The following DYDC2 variants were observed in gnomAD, a reference collection of about 807,000 sequenced individuals.
The protein encoded by DYDC2 is DPY30 domain containing 2, also known as DPY30 domain-containing protein 2.
In DYDC2, 19 loss-of-function variants were observed where a neutral mutation model predicts 18.7. The ratio of observed to expected loss-of-function variants is 1.02; its 90% CI spans 0.71 to 1.49. DYDC2 has a LOEUF of 1.49. Among genes scored for constraint, DYDC2 ranks in the 40% most tolerant of loss-of-function variants. The pLI, the probability that DYDC2 is intolerant of heterozygous loss-of-function variation, is 0.00. For synonymous variants in DYDC2, 63 were observed against 67.6 expected, an observed-to-expected ratio of 0.93 and a Z score of 0.34; for missense variants, 179 against 205.1, an observed-to-expected ratio of 0.87 and a Z score of 0.78.
chr10:80,356,579 G>A (rs1240544053), upstream of DYDC2: 1 of 985,500 alleles, frequency 1.0e-6, no homozygotes, highest in Non-Finnish European at 1.2e-6. Flanking sequence ...GGCGCGAAGC[G>A]GCCTCTCTCC....
chr10:80,367,276 C>T lies in DYDC2; in HGVS notation c.*325C>T, dbSNP rs1589537116. The T allele has an allele frequency of 1.0e-5, 2 of 200,148 alleles. No homozygotes were observed. The highest frequency in any genetic ancestry group is 2.7e-4 in the South Asian group (2 of 7,458). The allele number at this position is 200,148 out of a possible 1,614,324, so 12.4% of individuals were successfully genotyped here. On this transcript the variant is annotated 3_prime_UTR_variant, in exon 5 of 5. Coordinates refer to ENST00000256039, the MANE Select transcript of DYDC2 (RefSeq NM_032372.6). ...GGCCATGGGGGCTACAAAGTCCAGC[C>T]GAGTCAAAGGAAAGAGAAAAGACAA... is the stretch of plus-strand genomic sequence containing the variant.
At chr10:80,362,702 G>T (rs1265456895) in intron 3 of DYDC2, 112 bp downstream of exon 3, 41 of 1,480,092 alleles carry the variant, frequency 2.8e-5, no homozygotes, top group Non-Finnish European at 3.5e-5. Flanking sequence ...TGGTTTATTT[G>T]ACTTGCTCTT....
intron 1 of DYDC2, among the ~76,000 whole-genome samples, chr10:80,350,231 A>G (rs1180898278): frequency 2.6e-5 from 4 of 152,236 alleles, no homozygotes; most frequent in Non-Finnish European, 4.4e-5. Context: ...CATACCGGTC[A>G]ACATAATATG....
chr10:80,357,026 G>T (rs1285973019), intron 1 of DYDC2, among the ~76,000 whole-genome samples: 1 of 143,632 alleles, frequency 7.0e-6, no homozygotes, highest in African/African-American at 2.6e-5. Flanking sequence ...GTGCAGGCGC[G>T]GGGCGCCCGG....
chr10:80,366,749 C>G lies in DYDC2; in HGVS notation c.332C>G (p.Pro111Arg). ...KTIFMQEDTN[P>R]LEKEALKQEF... ...ATATTCATGCAGGAGGACACAAACC[C>G]CCTTGAGAAGGAGGCCTTGAAGCAG... The change falls in exon 5 of 5, where the codon CCC (proline) becomes CGC (arginine). Residue 111 changes from proline (P) to arginine (R), a missense_variant. Physicochemically the swap from Pro to Arg is moderately radical, Grantham distance 103. Coordinates refer to ENST00000256039, the MANE Select transcript of DYDC2 (RefSeq NM_032372.6). 6.2e-7 allele frequency: 1 copy of G among 1,614,112 alleles called. No individual in the cohort carries two copies. Among genetic ancestry groups the G allele is most frequent in the East Asian group, 2.2e-5 (1 of 44,892 alleles).
chr10:80,362,559 A>G lies in DYDC2; in HGVS notation c.116A>G (p.His39Arg), dbSNP rs756000035. 3 of 1,612,368 alleles carry G rather than the reference A, an allele frequency of 1.9e-6. No individual in the cohort carries two copies. Among genetic ancestry groups the G allele is most frequent in the Non-Finnish European group, 1.7e-6 (2 of 1,178,648 alleles). Residue 39 changes from histidine to arginine, a missense_variant, in exon 3 of 5, where the codon CAT (histidine) becomes CGT (arginine). By Grantham distance (29) the His-to-Arg change is conservative. Transcript: ENST00000256039. The part of the protein sequence containing the change: ...PIEYLAHWLY[H>R]YRKTAKAKEE... ...GAATACCTGGCTCACTGGCTTTATC[A>G]TTACAGGAAAACAGCAAAAGCAAAA... is the stretch of plus-strand genomic sequence containing the variant.
chr10:80,348,661 T>C (rs963488066), intron 1 of DYDC2, among the ~76,000 whole-genome samples: 1 of 152,208 alleles, frequency 6.6e-6, no homozygotes, highest in Non-Finnish European at 1.5e-5. Flanking sequence ...AACTATGCAA[T>C]TAAGAAGCTT....
At chr10:80,359,013 G>A (rs561120406) in intron 2 of DYDC2, among the ~76,000 whole-genome samples, 2 of 152,198 alleles carry the variant, frequency 1.3e-5, no homozygotes, top group Non-Finnish European at 2.9e-5. Context: ...TTACTACAAA[G>A]AGCAAAAGAA....
chr10:80,356,836 G>T lies in DYDC2; in HGVS notation c.-163+11G>T. 1 of 985,466 alleles carries T rather than the reference G, an allele frequency of 1.0e-6. No homozygotes were observed. The highest frequency in any genetic ancestry group is 1.2e-6 in the Non-Finnish European group (1 of 830,370). The allele number at this position is 985,466 out of a possible 1,614,324, so 61.0% of individuals were successfully genotyped here. On this transcript the variant is annotated intron_variant, in intron 1 of 4. Coordinates refer to ENST00000256039, the MANE Select transcript of DYDC2 (RefSeq NM_032372.6). Reference sequence around the variant, plus strand: ...GGGGCGCGCGGATAGGTGAGCAGAGGGCACGCGGTGGGCAGCGAAGGGGGA... The same window carrying T: ...GGGGCGCGCGGATAGGTGAGCAGAGTGCACGCGGTGGGCAGCGAAGGGGGA...
Position 80,367,087 on chromosome 10 carries a change from C to G in DYDC2, c.*136C>G. 1 of 1,070,870 alleles carries G rather than the reference C, an allele frequency of 9.3e-7. No individual in the cohort carries two copies. The highest frequency in any genetic ancestry group is 1.6e-5 in the South Asian group (1 of 61,718). 66.3% of individuals were successfully genotyped at this position (1,070,870 alleles called of 1,614,324 possible). On this transcript the variant is annotated 3_prime_UTR_variant, in exon 5 of 5. Transcript: ENST00000256039. ...CCAGCCTACTCCTTTTCTGAAAAAC[C>G]CTTAATCATGTGAACATTTGAACTA...
upstream of DYDC2, among the ~76,000 whole-genome samples, chr10:80,355,474 T>G (rs547071653): frequency 6.6e-6 from 1 of 152,238 alleles, no homozygotes; most frequent in Non-Finnish European, 1.5e-5. Context: ...TCATCAATCT[T>G]GCTTCTTGGA....
chr10:80,351,555 A>G (rs926167650), intron 1 of DYDC2, among the ~76,000 whole-genome samples: 1 of 151,450 alleles, frequency 6.6e-6, no homozygotes, highest in Non-Finnish European at 1.5e-5. Context: ...TTTTCCATTC[A>G]GCAATAGATA....
chr10:80,358,063 T>G lies in DYDC2; in HGVS notation c.-10+18T>G. 2 of 985,482 alleles carry G rather than the reference T, an allele frequency of 2.0e-6. No homozygotes were observed. The highest frequency in any genetic ancestry group is 2.4e-6 in the Non-Finnish European group (2 of 830,014). The allele number at this position is 985,482 out of a possible 1,614,324, so 61.0% of individuals were successfully genotyped here. A position where few individuals can be genotyped will look rare whatever the true frequency, so the allele number is the denominator to read the frequency against. ...CCCCATTGGTGAGTGTACCCTAAGTTGGTCTGAGTGGGCTTTAAAAGGCAT... is the reference window on the plus strand; with the variant it reads ...CCCCATTGGTGAGTGTACCCTAAGTGGGTCTGAGTGGGCTTTAAAAGGCAT... On this transcript the variant is annotated intron_variant, in intron 2 of 4. Coordinates refer to ENST00000256039, the MANE Select transcript of DYDC2 (RefSeq NM_032372.6).
intron 1 of DYDC2, among the ~76,000 whole-genome samples, chr10:80,345,482 T>C (rs539815764): frequency 6.6e-6 from 1 of 152,310 alleles, no homozygotes; most frequent in Non-Finnish European, 1.5e-5. Flanking sequence ...TACAATCTTA[T>C]TGGCTATCAT....
At chr10:80,362,239 G>A (rs1843685062) in intron 2 of DYDC2, among the ~76,000 whole-genome samples, 196 bp from the exon 3 acceptor site, 1 of 152,222 alleles carries the variant, frequency 6.6e-6, no homozygotes. Flanking sequence ...AGGAGGCCAG[G>A]TCCTAGGTTG....
At chr10:80,353,868 A>C (rs976019302), upstream of DYDC2, among the ~76,000 whole-genome samples, 6 of 152,120 alleles carry the variant, frequency 3.9e-5, no homozygotes, top group Non-Finnish European at 7.4e-5. Context: ...TGGACTTGAG[A>C]GTCCTTCAGG....
intron 1 of DYDC2, among the ~76,000 whole-genome samples, chr10:80,345,444 A>C (rs1210627794): frequency 6.6e-6 from 1 of 151,936 alleles, no homozygotes; most frequent in Non-Finnish European, 1.5e-5. Context: ...CCTAAAATCT[A>C]CTCTCTTAAA....
At position 80,358,357 on chromosome 10, in the gene DYDC2, G is replaced by A. The variant is rs371930285; in HGVS notation, c.-10+312G>A. Among the ~76,000 whole-genome samples the A allele has an allele frequency of 8.9e-4, 135 of 152,200 alleles. 1 individual carries two copies. In the Middle Eastern group the frequency reaches 0.01, roughly 12 times the overall value. ...TGTGCCACTGCACTCCAGCCTGGGC[G>A]ACAGACCAAGGCTCTCTCTTAAAAA... On this transcript the variant is annotated intron_variant, in intron 2 of 4. Transcript: ENST00000256039.
chr10:80,363,640 G>A (rs1268035527), intron 4 of DYDC2, among the ~76,000 whole-genome samples: 4 of 151,362 alleles, frequency 2.6e-5, no homozygotes, highest in East Asian at 1.9e-4. Flanking sequence ...GAGCCACCAC[G>A]CCCAGCCAAA....
Sources: allele counts gnomAD v4.1 joint callset (sites outside exome capture counted in the v4.1 genomes callset), GRCh38; gene constraint gnomAD v4.1.1; transcripts MANE v1.5; gene names NCBI Gene and HGNC (gene_info 2026-07-23, HGNC 2026-07-21).